Variants in SLCO3A1 observed in about 807,000 individuals in gnomAD.
SLCO3A1 encodes the protein PGE1 transporter.
A neutral mutation model predicts 63.1 loss-of-function variants in SLCO3A1; 27 were observed. The observed-to-expected ratio is 0.43, with a 90% CI of 0.32 to 0.59. The LOEUF (loss-of-function observed/expected upper bound fraction) is 0.59. Ranked by LOEUF, SLCO3A1 falls within the 20% of genes least tolerant of loss-of-function variation. SLCO3A1 has a pLI of 0.09. For missense variants in SLCO3A1, 773 were observed against 945.8 expected (o/e 0.82, Z 2.40); for synonymous variants, 473 against 409.9 (o/e 1.15, Z -1.86).
At chr15:92,093,100 G>T (rs1228144910) in intron 2 of SLCO3A1, among the ~76,000 whole-genome samples, 1 of 152,182 alleles carries the variant, frequency 6.6e-6, no homozygotes, top group Non-Finnish European at 1.5e-5. Context: ...TCAGGGTTCT[G>T]GGTTCCCGTG....
At chr15:91,910,536 G>C (rs1238871222) in intron 1 of SLCO3A1, among the ~76,000 whole-genome samples, 2 of 152,224 alleles carry the variant, frequency 1.3e-5, no homozygotes, top group East Asian at 3.8e-4. Flanking sequence ...CTGTGGGCCA[G>C]CTGCTCTGAT....
intron 1 of SLCO3A1, chr15:91,889,336 A>G (rs1897812891): frequency 7.7e-6 from 3 of 391,254 alleles, no homozygotes; most frequent in South Asian, 3.9e-5. Flanking sequence ...GTTACTCATC[A>G]CTCAGCACTT....
Position 91,916,511 on chromosome 15 carries a change from A to G in SLCO3A1, c.646+53A>G. The G allele has an allele frequency of 1.5e-6, 2 of 1,360,330 alleles. No individual in the cohort carries two copies. The highest frequency in any genetic ancestry group is 2.6e-5 in the South Asian group (2 of 75,800). 84.3% of individuals were successfully genotyped at this position (1,360,330 alleles called of 1,614,324 possible). A position where few individuals can be genotyped will look rare whatever the true frequency, so the allele number is the denominator to read the frequency against. On this transcript the variant is annotated intron_variant, in intron 2 of 9. Coordinates refer to ENST00000318445, the MANE Select transcript of SLCO3A1 (RefSeq NM_013272.4). The surrounding 1 kb of genome is among the most constrained non-coding windows in gnomAD (Gnocchi z 6.2). ...AGAGACCAGGGTGTGTTGACCATGG[A>G]TAAAAGGTGGCCTGGTGGACTTTGA...
rs1517618 is a variant in SLCO3A1, at chr15:92,104,415, G to C, written c.882G>C (p.Glu294Asp). The change falls in exon 4 of 10, where the codon GAG becomes GAC. Residue 294 changes from glutamate (E) to aspartate (D), a missense_variant. Around this residue, in one of 3 missense-constraint regions of SLCO3A1, gnomAD observed 565 missense variants for 749.8 expected, o/e 0.75. Transcript: ENST00000318445. ...CACAGTCCCTGCCCCCGCACTCAGA[G>C]CCCGCCATGGAAAGCGAGCAGGCCA... ...GFPQSLPPHS[E>D]PAMESEQAML... 0.84 allele frequency: 1,354,897 copies of C among 1,613,974 alleles called. 570,213 individuals carry two copies. Among genetic ancestry groups the C allele is most frequent in the East Asian group, 0.96 (42,941 of 44,858 alleles).
At chr15:92,142,761 T>C (rs1427312548) in intron 7 of SLCO3A1, among the ~76,000 whole-genome samples, 1 of 152,172 alleles carries the variant, frequency 6.6e-6, no homozygotes, top group Admixed American at 6.5e-5. Flanking sequence ...TAGCCTGAGA[T>C]AAAGATGTCT....
At chr15:92,083,858 A>G (rs1351218003) in intron 2 of SLCO3A1, among the ~76,000 whole-genome samples, 1 of 152,184 alleles carries the variant, frequency 6.6e-6, no homozygotes, top group African/African-American at 2.4e-5. Context: ...ACCTCAAAAC[A>G]ATCCTGCGAG....
At chr15:91,889,303 C>A in intron 1 of SLCO3A1, 1 of 469,374 alleles carries the variant, frequency 2.1e-6, no homozygotes, top group Non-Finnish European at 4.1e-6. Context: ...CACCTGTAGG[C>A]CTCTGCTATC....
chr15:91,887,100 A>C (rs993342962), intron 1 of SLCO3A1, among the ~76,000 whole-genome samples: 2 of 152,222 alleles, frequency 1.3e-5, no homozygotes, highest in Admixed American at 1.3e-4. Context: ...AGGTGTCATT[A>C]TCACTGTCAA....
At chr15:91,905,633 G>T (rs4932589) in intron 1 of SLCO3A1, among the ~76,000 whole-genome samples, 87,512 of 147,926 alleles carry the variant, frequency 0.59, 26,101 homozygotes, top group East Asian at 0.91. Flanking sequence ...TTAGTTTTTT[G>T]TTTTTTTTTT....
At chr15:92,036,284 C>T (rs1411095229) in intron 2 of SLCO3A1, among the ~76,000 whole-genome samples, 2 of 151,756 alleles carry the variant, frequency 1.3e-5, no homozygotes, top group African/African-American at 4.8e-5. Context: ...CTGCTTTTGC[C>T]AGCCTATTAT....
At chr15:92,013,367 C>A (rs1437651231) in intron 2 of SLCO3A1, among the ~76,000 whole-genome samples, 1 of 152,210 alleles carries the variant, frequency 6.6e-6, no homozygotes, top group Non-Finnish European at 1.5e-5. Flanking sequence ...TCTGATGTTC[C>A]TGCAGTACGT....
intron 2 of SLCO3A1, among the ~76,000 whole-genome samples, chr15:91,924,673 C>G (rs1219173551): frequency 6.6e-6 from 1 of 152,174 alleles, no homozygotes; most frequent in Non-Finnish European, 1.5e-5. Flanking sequence ...CAGAGGACAA[C>G]CTGGCAGGAG....
rs79723789 is a variant in SLCO3A1, at chr15:91,872,842, G to A, written c.180+18754G>A. 0.018 allele frequency among the ~76,000 whole-genome samples: 2,815 copies of A among 152,300 alleles called. 72 individuals carry two copies. The highest frequency in any genetic ancestry group is 0.064 in the African/African-American group (2,664 of 41,562). ...TAACTTCACCAGGGCCAGAGAATCT[G>A]TTCTCTGTTCCCTTCCTCCCCTTTA... On this transcript the variant is annotated intron_variant, in intron 1 of 9. Transcript: ENST00000318445. The surrounding 1 kb of genome is among the most constrained non-coding windows in gnomAD (Gnocchi z 4.1).
rs754874361 is a variant in SLCO3A1, at chr15:91,916,163, G to T, written c.351G>T (p.Ala117=). 6.9e-6 allele frequency: 11 copies of T among 1,604,808 alleles called. No individual in the cohort carries two copies. The East Asian group carries it at 1.6e-4, about 23-fold the overall frequency. Residue 117 remains alanine, a synonymous_variant, in exon 2 of 10, where the codon GCG becomes GCT. Transcript: ENST00000318445. This position sits in a 1 kb window ranked among gnomAD's most constrained non-coding sequence, Gnocchi z 6.2. Reference sequence around the variant, plus strand: ...TCGGCTGCGGCGGCATCGTCATGGCGCTGGGCGCGCTGCTGTCGGCGCTGC... The same window carrying T: ...TCGGCTGCGGCGGCATCGTCATGGCTCTGGGCGCGCTGCTGTCGGCGCTGC... The part of the protein sequence containing the change: ...RLIGCGGIVM[A]LGALLSALPE...
chr15:92,083,044 A>C (rs2047365245), intron 2 of SLCO3A1, among the ~76,000 whole-genome samples: 1 of 152,232 alleles, frequency 6.6e-6, no homozygotes, highest in Non-Finnish European at 1.5e-5. Flanking sequence ...GAAGAAAATG[A>C]CTGCCTCTGG....
intron 1 of SLCO3A1, among the ~76,000 whole-genome samples, chr15:91,887,931 T>C (rs530440403): frequency 4.6e-5 from 7 of 152,230 alleles, no homozygotes; most frequent in Non-Finnish European, 8.8e-5. Context: ...GTTCAGATCT[T>C]ACACACTGTA....
At chr15:92,055,603 A>C (rs1479358058) in intron 2 of SLCO3A1, among the ~76,000 whole-genome samples, 1 of 151,784 alleles carries the variant, frequency 6.6e-6, no homozygotes, top group Non-Finnish European at 1.5e-5. Flanking sequence ...TACAGTGTTG[A>C]TTTGTGCATT....
chr15:91,896,383 G>GGT (rs1378272680), intron 1 of SLCO3A1, among the ~76,000 whole-genome samples: 1 of 152,140 alleles, frequency 6.6e-6, no homozygotes, highest in Non-Finnish European at 1.5e-5. Flanking sequence ...GCTTCTCTGA[G>GGT]GTAGGACTCC....
At chr15:91,952,867 C>T (rs1900044596) in intron 2 of SLCO3A1, among the ~76,000 whole-genome samples, 1 of 152,182 alleles carries the variant, frequency 6.6e-6, no homozygotes, top group East Asian at 1.9e-4. Flanking sequence ...GACCGCATCA[C>T]ACTGCTGTGT....
Sources: gnomAD v4.1 joint callset for allele counts (sites outside exome capture counted in the v4.1 genomes callset) on GRCh38, gnomAD v4.1.1 for gene constraint, gnomAD v4.1.1 regional missense constraint, Gnocchi (gnomAD v3.1) non-coding constraint, MANE v1.5 for transcripts, NCBI Gene and HGNC (gene_info 2026-07-23, HGNC 2026-07-21) for gene names.